Variants in CCDC171 observed in about 807,000 individuals in gnomAD.
CCDC171 encodes coiled-coil domain-containing protein 171.
Under a neutral mutation model 168.2 loss-of-function variants are expected in CCDC171, and 177 were observed. The ratio of observed to expected loss-of-function variants is 1.05; its 90% CI spans 0.93 to 1.19. The LOEUF is 1.19. Among genes scored for constraint, CCDC171 ranks in the 50% most tolerant of loss-of-function variants. The pLI is 0.00. For synonymous variants in CCDC171, 687 were observed against 540.8 expected, an observed-to-expected ratio of 1.27 and a Z score of -3.75; for missense variants, 1,991 against 1,539.0, an observed-to-expected ratio of 1.29 and a Z score of -4.91.
At chr9:15,583,219 A>C (rs1009335912) in intron 4 of CCDC171, among the ~76,000 whole-genome samples, 1 of 152,030 alleles carries the variant, frequency 6.6e-6, no homozygotes, top group African/African-American at 2.4e-5. Flanking sequence ...GATTGAGACC[A>C]TCCTGGCCAA....
At chr9:15,927,412 T>C (rs1425457194) in intron 25 of CCDC171, among the ~76,000 whole-genome samples, 1 of 151,656 alleles carries the variant, frequency 6.6e-6, no homozygotes, top group African/African-American at 2.4e-5. Context: ...CCCACAGCTA[T>C]GGAGAAACAT....
chr9:15,624,456 C>G (rs1554715572), intron 7 of CCDC171, among the ~76,000 whole-genome samples: 4 of 151,990 alleles, frequency 2.6e-5, no homozygotes, highest in Non-Finnish European at 5.9e-5. Flanking sequence ...AATGCTATCC[C>G]TCCCCACTCC....
chr9:15,782,786 G>T (rs997710037), intron 20 of CCDC171, among the ~76,000 whole-genome samples: 27 of 152,300 alleles, frequency 1.8e-4, no homozygotes, highest in Middle Eastern at 3.4e-3. Context: ...CTGAGGGTTT[G>T]GTTGTAATAG....
At chr9:15,843,375 TATC>T (rs1338913809) in intron 21 of CCDC171, among the ~76,000 whole-genome samples, 4 of 152,136 alleles carry the variant, frequency 2.6e-5, no homozygotes, top group Non-Finnish European at 5.9e-5. Flanking sequence ...AGACTCTTGT[TATC>T]ATATCTAGCC....
At chr9:15,634,714 T>G (rs1458321972) in intron 7 of CCDC171, among the ~76,000 whole-genome samples, 1 of 152,218 alleles carries the variant, frequency 6.6e-6, no homozygotes, top group Non-Finnish European at 1.5e-5. Context: ...TTTTAGTGTA[T>G]TCACAGCATT....
chr9:15,825,919 T>C (rs1020533829), intron 21 of CCDC171, among the ~76,000 whole-genome samples: 2 of 152,154 alleles, frequency 1.3e-5, no homozygotes, highest in Non-Finnish European at 2.9e-5. Context: ...TGTGAAATAA[T>C]ACTCCATAGA....
At chr9:15,849,546 G>C (rs1166611627) in intron 23 of CCDC171, among the ~76,000 whole-genome samples, 1 of 151,506 alleles carries the variant, frequency 6.6e-6, no homozygotes, top group African/African-American at 2.4e-5. Context: ...TATGATACTA[G>C]TAAAAACATA....
At chr9:15,582,224 T>C (rs1172476738) in intron 4 of CCDC171, among the ~76,000 whole-genome samples, 5 of 152,182 alleles carry the variant, frequency 3.3e-5, no homozygotes, top group African/African-American at 4.8e-5. Flanking sequence ...AAAACCACAA[T>C]GAGTTGTCAT....
At chr9:15,946,317 CAA>C (rs1469043414) in intron 25 of CCDC171, among the ~76,000 whole-genome samples, 1 of 151,978 alleles carries the variant, frequency 6.6e-6, no homozygotes, top group Non-Finnish European at 1.5e-5. Context: ...GCAACTTCAG[CAA>C]AGTCTCAGGA....
intron 3 of CCDC171, among the ~76,000 whole-genome samples, chr9:15,988,182 C>T (rs1463861676): frequency 6.6e-6 from 1 of 152,170 alleles, no homozygotes; most frequent in Non-Finnish European, 1.5e-5. Flanking sequence ...TGTTAAACTA[C>T]AGCAACAACT....
chr9:15,902,232 A>C (rs911366153), intron 24 of CCDC171, among the ~76,000 whole-genome samples: 5 of 144,624 alleles, frequency 3.5e-5, no homozygotes, highest in Admixed American at 7.3e-5. Flanking sequence ...AAATGATACA[A>C]AGCTATAAAA....
intron 3 of CCDC171, among the ~76,000 whole-genome samples, chr9:16,006,198 C>T (rs1832691011): frequency 6.6e-6 from 1 of 152,114 alleles, no homozygotes; most frequent in African/African-American, 2.4e-5. Context: ...GTAACTCCAC[C>T]ATTTTACATT....
At chr9:16,008,637 T>C (rs1413683359) in intron 3 of CCDC171, among the ~76,000 whole-genome samples, 2 of 152,208 alleles carry the variant, frequency 1.3e-5, no homozygotes, top group Non-Finnish European at 2.9e-5. Flanking sequence ...TTTGTAATTC[T>C]TTCTGGCTGC....
intron 21 of CCDC171, among the ~76,000 whole-genome samples, chr9:15,810,156 C>A (rs1045017469): frequency 6.6e-6 from 1 of 152,014 alleles, no homozygotes; most frequent in Non-Finnish European, 1.5e-5. Flanking sequence ...ATTTACAATC[C>A]TCTAGCTAGA....
chr9:15,751,560 A>T (rs2134846670), intron 18 of CCDC171, among the ~76,000 whole-genome samples: 1 of 152,288 alleles, frequency 6.6e-6, no homozygotes, highest in African/African-American at 2.4e-5. Flanking sequence ...ACCAAAACAG[A>T]TATATAGACC....
downstream of CCDC171, among the ~76,000 whole-genome samples, chr9:15,977,554 G>A (rs1196026967): frequency 6.6e-6 from 1 of 152,158 alleles, no homozygotes; most frequent in Non-Finnish European, 1.5e-5. Context: ...AACATATAAA[G>A]CTTTGAAAAC....
rs118111142 is a variant in CCDC171 at position 15,842,392 on chromosome 9, C to A, written c.3268-4310C>A. On this transcript the variant is annotated intron_variant, in intron 21 of 25. Transcript: ENST00000380701. ...GAGATATGCATACCCTTTAAGATAA[C>A]TTTAACGTTTGTACTGTACCACATT... Among the ~76,000 whole-genome samples, 959 of 152,122 alleles carry A rather than the reference C, an allele frequency of 6.3e-3. 6 individuals carry two copies. Among genetic ancestry groups the A allele is most frequent in the Non-Finnish European group, 8.7e-3 (593 of 67,910 alleles).
In CCDC171 at chr9:15,723,542, AT is replaced by A. The variant is rs2053618367; in HGVS notation, c.1426-137del. ...AGAAATAATTTTTTAAAGACTCTTA[AT>A]TACTATTGAAAAATTTGTATTTAAG... On this transcript the variant is annotated intron_variant, in intron 12 of 25. Coordinates refer to ENST00000380701, the MANE Select transcript of CCDC171 (RefSeq NM_173550.4). 4.8e-6 allele frequency: 3 copies of A among 629,042 alleles called. No individual in the cohort carries two copies. The African/African-American group carries it at 5.8e-5, about 12-fold the overall frequency. 39.0% of individuals were successfully genotyped at this position (629,042 alleles called of 1,614,324 possible).
chr9:15,838,762 G>T (rs767908257), intron 21 of CCDC171, among the ~76,000 whole-genome samples: 10 of 152,096 alleles, frequency 6.6e-5, no homozygotes, highest in Non-Finnish European at 1.2e-4. Flanking sequence ...TGACATTTTT[G>T]ATTTAAATTA....
Sources: gnomAD v4.1 joint callset for allele counts (sites outside exome capture counted in the v4.1 genomes callset) on GRCh38, gnomAD v4.1.1 for gene constraint, MANE v1.5 for transcripts, NCBI Gene and HGNC (gene_info 2026-07-23, HGNC 2026-07-21) for gene names.